The following PRDM5 variants were observed in gnomAD, a reference collection of about 807,000 sequenced individuals.
The protein encoded by PRDM5 is PR/SET domain 5, also known as PR domain zinc finger protein 5.
PRDM5 carries 56 observed loss-of-function variants against 81.2 expected under a neutral mutation model. That is an observed-to-expected ratio of 0.69 (90% CI 0.56 to 0.86). PRDM5 has a LOEUF of 0.86. PRDM5 is among the 40% of genes least tolerant of loss of function. PRDM5 has a pLI of 0.00. For synonymous variants in PRDM5, 267 were observed against 256.4 expected (o/e 1.04, Z -0.39); for missense variants, 697 against 770.1 (o/e 0.91, Z 1.12).
chr4:120,841,977 T>A (rs564417234), intron 3 of PRDM5, among the ~76,000 whole-genome samples: 1 of 152,360 alleles, frequency 6.6e-6, no homozygotes, highest in African/African-American at 2.4e-5. Flanking sequence ...TTGTTACGTA[T>A]GATTTGAAAG....
chr4:120,799,192 A>G (rs1238643494), intron 9 of PRDM5, among the ~76,000 whole-genome samples: 1 of 152,220 alleles, frequency 6.6e-6, no homozygotes, highest in Non-Finnish European at 1.5e-5. Flanking sequence ...TACATACTCA[A>G]AATGTATTTA....
intron 14 of PRDM5, 64 bp from the exon 15 acceptor site, chr4:120,710,477 A>G: frequency 7.7e-7 from 1 of 1,296,170 alleles, no homozygotes. Context: ...AGTCCTCCAT[A>G]TTCAGGTGTG....
At chr4:120,721,541 T>C (rs1738605786) in intron 14 of PRDM5, among the ~76,000 whole-genome samples, 1 of 152,220 alleles carries the variant, frequency 6.6e-6, no homozygotes, top group Middle Eastern at 3.2e-3. Context: ...TATTATACTC[T>C]ACCACCCCGA....
At chr4:120,811,540 T>G (rs1261414415) in intron 7 of PRDM5, 91 bp from the exon 8 acceptor site, 4 of 767,668 alleles carry the variant, frequency 5.2e-6, no homozygotes, top group Non-Finnish European at 8.8e-6. Context: ...AAGTTCATCT[T>G]CATAATTTAG....
At chr4:120,764,412 T>G (rs988449063) in intron 13 of PRDM5, among the ~76,000 whole-genome samples, 15 of 152,172 alleles carry the variant, frequency 9.9e-5, no homozygotes, top group Non-Finnish European at 1.6e-4. Flanking sequence ...ATGACAAACT[T>G]TGACATAGCA....
intron 2 of PRDM5, among the ~76,000 whole-genome samples, chr4:120,869,623 C>T (rs1319731374): frequency 6.6e-6 from 1 of 152,092 alleles, no homozygotes; most frequent in African/African-American, 2.4e-5. Context: ...TCTTGGCAAA[C>T]ATAAAACTGT....
At chr4:120,790,080 A>T (rs1473856483) in intron 10 of PRDM5, among the ~76,000 whole-genome samples, 1 of 152,200 alleles carries the variant, frequency 6.6e-6, no homozygotes, top group Non-Finnish European at 1.5e-5. Flanking sequence ...AAGTCAGGAA[A>T]CCTTCCACTC....
chr4:120,747,456 A>T (rs549582438), intron 14 of PRDM5, among the ~76,000 whole-genome samples: 2 of 152,108 alleles, frequency 1.3e-5, no homozygotes, highest in South Asian at 2.1e-4. Context: ...AAAAAATTAA[A>T]AAATAAATAA....
intron 3 of PRDM5, among the ~76,000 whole-genome samples, chr4:120,833,206 G>A (rs148222073): frequency 3.0e-3 from 454 of 152,262 alleles, no homozygotes; most frequent in Non-Finnish European, 5.2e-3. Context: ...CGATTAATGA[G>A]TTTTAAATTG....
In PRDM5 at chr4:120,721,781, C is replaced by T. The variant is rs1738643239; in HGVS notation, c.1624-11368G>A. ...GAGGTAAACATCCAGAGTGACTCAG[C>T]GAGTCTACAGCGCAGGTGTAGAACT... On this transcript the variant is annotated intron_variant, in intron 14 of 15. Transcript: ENST00000264808. Among the ~76,000 whole-genome samples the T allele has an allele frequency of 2.0e-5, 3 of 152,350 alleles. No homozygotes were observed. In the South Asian group the frequency reaches 6.2e-4, roughly 32 times the overall value.
chr4:120,844,450 T>C (rs1578960997), intron 3 of PRDM5, among the ~76,000 whole-genome samples: 1 of 152,230 alleles, frequency 6.6e-6, no homozygotes, highest in African/African-American at 2.4e-5. Flanking sequence ...TGCTACTTTT[T>C]GCAATATTTC....
intron 15 of PRDM5, among the ~76,000 whole-genome samples, chr4:120,707,118 A>G (rs1487979142): frequency 6.6e-6 from 1 of 152,230 alleles, no homozygotes; most frequent in East Asian, 1.9e-4. Context: ...TTATGAAAAA[A>G]GAAAACTACA....
At chr4:120,744,802 C>A (rs990238922) in intron 14 of PRDM5, among the ~76,000 whole-genome samples, 13 of 149,680 alleles carry the variant, frequency 8.7e-5, no homozygotes, top group African/African-American at 3.0e-4. Context: ...GCTTACCAAC[C>A]AAAAAGAGTC....
At chr4:120,890,589 TGTATAA>T (rs1304619106) in intron 2 of PRDM5, among the ~76,000 whole-genome samples, 1 of 152,230 alleles carries the variant, frequency 6.6e-6, no homozygotes, top group African/African-American at 2.4e-5. Flanking sequence ...CCACCAGCAG[TGTATAA>T]GAATTCCCTT....
intron 3 of PRDM5, among the ~76,000 whole-genome samples, chr4:120,847,887 T>C (rs1007925411): frequency 2.6e-5 from 4 of 152,114 alleles, no homozygotes; most frequent in African/African-American, 9.7e-5. Flanking sequence ...TCAATAGAAG[T>C]AGAAAAGGTA....
At chr4:120,733,985 A>C (rs1347473735) in intron 14 of PRDM5, among the ~76,000 whole-genome samples, 3 of 152,110 alleles carry the variant, frequency 2.0e-5, no homozygotes, top group Non-Finnish European at 4.4e-5. Flanking sequence ...AATGTATAAA[A>C]AGTGAGACCT....
intron 12 of PRDM5, 23 bp from the exon 13 acceptor site, chr4:120,777,304 G>C: frequency 6.2e-7 from 1 of 1,612,892 alleles, no homozygotes; most frequent in South Asian, 1.1e-5. Flanking sequence ...GGATAAAAAG[G>C]CTAAGGATAA....
intron 2 of PRDM5, among the ~76,000 whole-genome samples, chr4:120,874,176 A>G (rs1173254813): frequency 6.6e-6 from 1 of 152,190 alleles, no homozygotes; most frequent in East Asian, 1.9e-4. Flanking sequence ...TAGTCCCTCT[A>G]TAGTGCTACA....
Position 120,922,589 on chromosome 4 carries a change from G to C in PRDM5, c.20C>G (p.Pro7Arg). 2 of 1,609,328 alleles carry C rather than the reference G, an allele frequency of 1.2e-6. No individual in the cohort carries two copies. Among genetic ancestry groups the C allele is most frequent in the Non-Finnish European group, 1.7e-6 (2 of 1,178,566 alleles). The change falls in exon 1 of 16, where the codon CCG becomes CGG. Residue 7 changes from proline (P) to arginine (R), a missense_variant. Around this residue, in one of 3 missense-constraint regions of PRDM5, gnomAD observed 577 missense variants for 606.7 expected, o/e 0.95. Coordinates refer to ENST00000264808, the MANE Select transcript of PRDM5 (RefSeq NM_018699.4). The part of the protein sequence containing the change: MLGMYV[P>R]DRFSLKSSRV... Reference sequence around the variant, plus strand: ...GGAGGACTTCAGGGAGAACCTGTCCGGCACGTACATGCCCAGCATTTTCCC... The same window carrying C: ...GGAGGACTTCAGGGAGAACCTGTCCCGCACGTACATGCCCAGCATTTTCCC...
Sources: allele counts gnomAD v4.1 joint callset (sites outside exome capture counted in the v4.1 genomes callset), GRCh38; gene constraint gnomAD v4.1.1; regional missense constraint gnomAD v4.1.1; transcripts MANE v1.5; gene names NCBI Gene and HGNC (gene_info 2026-07-23, HGNC 2026-07-21).